Variants in CCSER1 observed in about 807,000 individuals in gnomAD.
The protein encoded by CCSER1 is coiled-coil serine rich protein 1, also known as serine-rich coiled-coil domain-containing protein 1.
A neutral mutation model predicts 82.0 loss-of-function variants in CCSER1; 41 were observed. That is an observed-to-expected ratio of 0.50 (90% confidence interval 0.39 to 0.65). The LOEUF is 0.65. Ranked by LOEUF, CCSER1 falls within the 30% of genes least tolerant of loss-of-function variation. CCSER1 has a pLI of 0.00. For missense variants in CCSER1, 1,119 were observed against 1,064.2 expected, an observed-to-expected ratio of 1.05 and a Z score of -0.72; for synonymous variants, 414 against 383.9, an observed-to-expected ratio of 1.08 and a Z score of -0.92.
chr4:91,083,598 A>T (rs1723043583), intron 9 of CCSER1, among the ~76,000 whole-genome samples: 1 of 152,140 alleles, frequency 6.6e-6, no homozygotes, highest in Admixed American at 6.6e-5. Flanking sequence ...AAACTATTAC[A>T]AATAAAAATG....
intron 10 of CCSER1, among the ~76,000 whole-genome samples, chr4:91,479,905 A>T (rs1256973283): frequency 1.2e-5 from 1 of 83,690 alleles, no homozygotes; most frequent in Non-Finnish European, 2.3e-5. Flanking sequence ...CCCCCACCCC[A>T]CCACAGTCCC....
chr4:91,501,730 A>G (rs1243498853), intron 10 of CCSER1, among the ~76,000 whole-genome samples: 1 of 152,076 alleles, frequency 6.6e-6, no homozygotes, highest in African/African-American at 2.4e-5. Context: ...CATTTGTGTT[A>G]GATAACAACA....
chr4:91,027,708 G>A (rs1740616463), intron 9 of CCSER1, among the ~76,000 whole-genome samples: 1 of 151,862 alleles, frequency 6.6e-6, no homozygotes, highest in Admixed American at 6.6e-5. Flanking sequence ...GGTGGATCAG[G>A]GTTTACTTCT....
chr4:91,177,133 A>G (rs1295243160), intron 10 of CCSER1, among the ~76,000 whole-genome samples: 1 of 152,064 alleles, frequency 6.6e-6, no homozygotes, highest in African/African-American at 2.4e-5. Flanking sequence ...ATTGATTTGC[A>G]TATGTTGAAC....
chr4:91,242,246 A>T (rs998352931), intron 10 of CCSER1, among the ~76,000 whole-genome samples: 34 of 152,152 alleles, frequency 2.2e-4, no homozygotes, highest in Middle Eastern at 3.2e-3. Context: ...GTGTGATTGG[A>T]AGGGAGTAAT....
intron 10 of CCSER1, among the ~76,000 whole-genome samples, chr4:91,242,591 G>A (rs946151645): frequency 2.0e-5 from 3 of 152,094 alleles, no homozygotes; most frequent in Admixed American, 6.6e-5. Flanking sequence ...ATTTGTTGAT[G>A]AGTTTTAGAT....
At chr4:91,111,169 A>G (rs956784039) in intron 10 of CCSER1, among the ~76,000 whole-genome samples, 1 of 151,944 alleles carries the variant, frequency 6.6e-6, no homozygotes, top group Non-Finnish European at 1.5e-5. Context: ...CTGTTGCATT[A>G]TGGGGCAAAC....
chr4:91,462,214 A>T (rs1022087109), intron 10 of CCSER1, among the ~76,000 whole-genome samples: 14 of 152,210 alleles, frequency 9.2e-5, no homozygotes, highest in African/African-American at 3.4e-4. Flanking sequence ...GAAAATTTTC[A>T]ACTGAAATAA....
At chr4:91,542,130 C>G (rs1308990025) in intron 10 of CCSER1, among the ~76,000 whole-genome samples, 2 of 152,002 alleles carry the variant, frequency 1.3e-5, no homozygotes, top group African/African-American at 4.8e-5. Context: ...GGATATGAGC[C>G]CTTTGCCAGA....
chr4:90,704,441 A>C (rs1418814839), intron 6 of CCSER1, among the ~76,000 whole-genome samples: 1 of 152,090 alleles, frequency 6.6e-6, no homozygotes, highest in Non-Finnish European at 1.5e-5. Context: ...TGAATCTGAC[A>C]ATTATGTGGC....
At chr4:91,517,381 A>G (rs758848859) in intron 10 of CCSER1, among the ~76,000 whole-genome samples, 18 of 152,122 alleles carry the variant, frequency 1.2e-4, no homozygotes, top group Non-Finnish European at 2.1e-4. Context: ...ATGCCTAGTC[A>G]TTTGAGAGTT....
intron 6 of CCSER1, among the ~76,000 whole-genome samples, chr4:90,702,296 C>G (rs1042959922): frequency 2.6e-5 from 4 of 152,122 alleles, no homozygotes; most frequent in African/African-American, 9.7e-5. Flanking sequence ...ATATGTTTAA[C>G]CAGCCTTGCA....
chr4:90,994,502 A>G (rs988307925), intron 9 of CCSER1, among the ~76,000 whole-genome samples: 2 of 152,152 alleles, frequency 1.3e-5, no homozygotes, highest in Non-Finnish European at 2.9e-5. Context: ...AGTAAAAAAA[A>G]AAATCATAAG....
At chr4:91,182,275 C>T (rs1424704324) in intron 10 of CCSER1, among the ~76,000 whole-genome samples, 1 of 152,124 alleles carries the variant, frequency 6.6e-6, no homozygotes, top group Non-Finnish European at 1.5e-5. Flanking sequence ...TTGATTTTGG[C>T]CTGGAGAAAT....
At chr4:91,099,992 G>A (rs889187404) in intron 10 of CCSER1, among the ~76,000 whole-genome samples, 9 of 152,100 alleles carry the variant, frequency 5.9e-5, no homozygotes, top group African/African-American at 2.2e-4. Context: ...CAGCTTTGCA[G>A]GGCCATTTCA....
At chr4:90,749,974 G>C (rs1184307719) in intron 7 of CCSER1, among the ~76,000 whole-genome samples, 2 of 152,026 alleles carry the variant, frequency 1.3e-5, no homozygotes, top group African/African-American at 4.8e-5. Context: ...ACTTTTTAAT[G>C]ATTGCCATTC....
At chr4:90,387,893 C>T (rs1023435165) in intron 3 of CCSER1, among the ~76,000 whole-genome samples, 4 of 152,238 alleles carry the variant, frequency 2.6e-5, no homozygotes, top group African/African-American at 9.6e-5. Context: ...AGCTTTCAGC[C>T]AGTTCTGTGA....
At chr4:90,332,946 A>T (rs1237887595) in intron 3 of CCSER1, among the ~76,000 whole-genome samples, 1 of 152,140 alleles carries the variant, frequency 6.6e-6, no homozygotes, top group Non-Finnish European at 1.5e-5. Flanking sequence ...TTTAGTTGTT[A>T]TGTCTCTTTT....
intron 6 of CCSER1, among the ~76,000 whole-genome samples, chr4:90,628,797 TAC>T (rs1723805664): frequency 6.6e-6 from 1 of 152,182 alleles, no homozygotes; most frequent in Admixed American, 6.5e-5. Flanking sequence ...GAGATTCTTT[TAC>T]CCTTGTGCCC....
Sources: allele counts gnomAD v4.1 joint callset (sites outside exome capture counted in the v4.1 genomes callset), GRCh38; gene constraint gnomAD v4.1.1; transcripts MANE v1.5; gene names NCBI Gene and HGNC (gene_info 2026-07-23, HGNC 2026-07-21).